Variants in STXBP4 observed in about 807,000 individuals in gnomAD.
STXBP4 encodes the protein syntaxin-binding protein 4.
In STXBP4, 55 loss-of-function variants were observed where a neutral mutation model predicts 76.1. The observed-to-expected ratio is 0.72, with a 90% CI of 0.58 to 0.91. The LOEUF is 0.91. STXBP4 is among the 40% of genes least tolerant of loss of function. STXBP4 has a pLI of 0.00. For synonymous variants in STXBP4, 201 were observed against 220.2 expected (o/e 0.91, Z 0.77); for missense variants, 618 against 636.9 (o/e 0.97, Z 0.32).
intron 4 of STXBP4, among the ~76,000 whole-genome samples, chr17:54,994,747 C>T (rs899277643): frequency 3.3e-5 from 5 of 152,016 alleles, no homozygotes; most frequent in African/African-American, 1.2e-4. Flanking sequence ...CCTTCTCTGC[C>T]TCTCCATCAC....
At chr17:55,079,240 G>A (rs774359947) in intron 15 of STXBP4, among the ~76,000 whole-genome samples, 43 of 152,096 alleles carry the variant, frequency 2.8e-4, no homozygotes, top group African/African-American at 9.7e-4. Context: ...TTCATAATAT[G>A]TTTTGGATTT....
At chr17:55,103,319 G>A (rs2079588677) in intron 16 of STXBP4, among the ~76,000 whole-genome samples, 1 of 152,128 alleles carries the variant, frequency 6.6e-6, no homozygotes, top group South Asian at 2.1e-4. Flanking sequence ...AAGGTGTAAG[G>A]AAGGGATCCA....
intron 12 of STXBP4, among the ~76,000 whole-genome samples, chr17:55,061,893 C>T (rs533382371): frequency 6.6e-6 from 1 of 152,100 alleles, no homozygotes; most frequent in Non-Finnish European, 1.5e-5. Context: ...TGTCAGTTTC[C>T]TAGTTGTGAT....
chr17:54,997,570 T>C (rs1029585576), intron 4 of STXBP4, among the ~76,000 whole-genome samples: 5 of 145,960 alleles, frequency 3.4e-5, no homozygotes, highest in African/African-American at 5.0e-5. Context: ...ATATATTATA[T>C]AATATAAATA....
At chr17:55,076,483 C>T (rs1029309792) in intron 13 of STXBP4, among the ~76,000 whole-genome samples, 1 of 152,120 alleles carries the variant, frequency 6.6e-6, no homozygotes, top group African/African-American at 2.4e-5. Flanking sequence ...GTTAAGTTGG[C>T]ATTTAATATC....
intron 7 of STXBP4, among the ~76,000 whole-genome samples, chr17:55,005,295 G>GA (rs2077987530): frequency 6.6e-6 from 1 of 152,106 alleles, no homozygotes; most frequent in South Asian, 2.1e-4. Flanking sequence ...CATTGGTCTG[G>GA]AGTCACAAGA....
intron 16 of STXBP4, among the ~76,000 whole-genome samples, chr17:55,082,825 A>AAAGT (rs1457422861): frequency 1.3e-5 from 2 of 152,174 alleles, no homozygotes; most frequent in African/African-American, 2.4e-5. Flanking sequence ...AGAGAGAAAA[A>AAAGT]AAGTCTTTAA....
At chr17:55,102,358 T>C (rs140419912) in intron 16 of STXBP4, among the ~76,000 whole-genome samples, 1 of 152,306 alleles carries the variant, frequency 6.6e-6, no homozygotes, top group African/African-American at 2.4e-5. Context: ...CTCCCACTTA[T>C]AAGTGAGAAC....
At chr17:55,117,654 C>G (rs2079797345) in intron 16 of STXBP4, among the ~76,000 whole-genome samples, 1 of 150,588 alleles carries the variant, frequency 6.6e-6, no homozygotes, top group South Asian at 2.1e-4. Flanking sequence ...ATCTGCTTTA[C>G]AAGTGAAAAA....
chr17:54,976,929 C>T (rs887865234), intron 1 of STXBP4, among the ~76,000 whole-genome samples: 1 of 152,152 alleles, frequency 6.6e-6, no homozygotes, highest in African/African-American at 2.4e-5. Context: ...AACTCCTCTT[C>T]CTTACCCCTC....
At chr17:55,204,827 CACACACACACACACACAA>C in the STXBP4 span, among the ~76,000 whole-genome samples, 1 of 67,254 alleles carries the variant, frequency 1.5e-5, no homozygotes, top group Admixed American at 1.6e-4. Flanking sequence ...CACACACACA[CACACACACACACACACAA>C]ACACACATAC....
chr17:54,988,086 TAAG>T (rs1205833845), intron 3 of STXBP4, among the ~76,000 whole-genome samples: 2 of 152,184 alleles, frequency 1.3e-5, no homozygotes, highest in Admixed American at 6.5e-5. Flanking sequence ...AATTTATGTT[TAAG>T]AAGAACTTTC....
chr17:55,089,906 T>C (rs2079388457), intron 16 of STXBP4, among the ~76,000 whole-genome samples: 1 of 152,076 alleles, frequency 6.6e-6, no homozygotes, highest in Non-Finnish European at 1.5e-5. Context: ...ATAACTAGAA[T>C]ACAAAATAGG....
At chr17:55,106,238 GTTAGT>G (rs2079632876) in intron 16 of STXBP4, among the ~76,000 whole-genome samples, 1 of 149,794 alleles carries the variant, frequency 6.7e-6, no homozygotes, top group South Asian at 2.1e-4. Context: ...TTTGATATTT[GTTAGT>G]TTAAAGTCTG....
At chr17:55,212,009 C>T in the STXBP4 span, among the ~76,000 whole-genome samples, 6 of 150,372 alleles carry the variant, frequency 4.0e-5, no homozygotes, top group African/African-American at 4.9e-5. Flanking sequence ...TAGTAGAGAC[C>T]GGGATTCATC....
chr17:55,141,543 C>T (rs1274746467), intron 17 of STXBP4, among the ~76,000 whole-genome samples, 176 bp downstream of exon 17: 1 of 152,064 alleles, frequency 6.6e-6, no homozygotes, highest in East Asian at 1.9e-4. Flanking sequence ...TATCAGATAT[C>T]ATTTGGGGGA....
intron 1 of STXBP4, among the ~76,000 whole-genome samples, chr17:54,984,339 CTT>C (rs60222961): frequency 0.014 from 1,101 of 81,142 alleles, 11 homozygotes; most frequent in African/African-American, 0.041. Flanking sequence ...TTTCTTTTTT[CTT>C]TTTTTTTTTT....
At position 55,160,026 on chromosome 17, in the gene STXBP4, G is replaced by A. The variant is rs2080323798; in HGVS notation, c.*115G>A. ...TAAAGCATGCACTACTTGTTGAAGT[G>A]TGAAATGGAGACTCTGGACTTTGGG... On this transcript the variant is annotated 3_prime_UTR_variant, in exon 18 of 18. Transcript: ENST00000376352. The A allele has an allele frequency of 3.4e-6, 2 of 594,536 alleles. No homozygotes were observed. Among genetic ancestry groups the A allele is most frequent in the Non-Finnish European group, 5.9e-6 (2 of 338,478 alleles). The allele number at this position is 594,536 out of a possible 1,614,324, so 36.8% of individuals were successfully genotyped here. A position where few individuals can be genotyped will look rare whatever the true frequency, so the allele number is the denominator to read the frequency against.
rs1213558080 is a variant in STXBP4, at chr17:55,170,066, A to G, written c.*10155A>G. On this transcript the variant is annotated 3_prime_UTR_variant, in exon 18 of 18. Coordinates refer to ENST00000376352, the MANE Select transcript of STXBP4 (RefSeq NM_178509.6). ...AGGTACATGACATAGATATCCTCAAATATTCTTAGGACATCTATAAATCAC... is the reference window on the plus strand; with the variant it reads ...AGGTACATGACATAGATATCCTCAAGTATTCTTAGGACATCTATAAATCAC... 6.6e-6 allele frequency: 1 copy of G among 152,228 alleles called. No homozygotes were observed. Among genetic ancestry groups the G allele is most frequent in the South Asian group, 2.1e-4 (1 of 4,834 alleles). The allele number at this position is 152,228 out of a possible 1,614,324, so 9.4% of individuals were successfully genotyped here.
Sources: allele counts gnomAD v4.1 joint callset (sites outside exome capture counted in the v4.1 genomes callset), GRCh38; gene constraint gnomAD v4.1.1; transcripts MANE v1.5; gene names NCBI Gene and HGNC (gene_info 2026-07-23, HGNC 2026-07-21).